FKBP15: variants seen among roughly 807,000 people sequenced by gnomAD.
FKBP15 encodes FK506-binding protein 15.
A neutral mutation model predicts 158.1 loss-of-function variants in FKBP15; 106 were observed. That is an observed-to-expected ratio of 0.67 (90% CI 0.57 to 0.79). The LOEUF (loss-of-function observed/expected upper bound fraction) is 0.79. Among genes scored for constraint, FKBP15 ranks in the 30% least tolerant of loss-of-function variants. The pLI is 0.00. For missense variants in FKBP15, 1,287 were observed against 1,479.1 expected (o/e 0.87, Z 2.13); for synonymous variants, 547 against 548.6 (o/e 1.00, Z 0.04).
chr9:113,196,701 A>G (rs1302389750), intron 9 of FKBP15, among the ~76,000 whole-genome samples: 1 of 152,100 alleles, frequency 6.6e-6, no homozygotes, highest in Non-Finnish European at 1.5e-5. Flanking sequence ...GACTTTCTTA[A>G]AGTCACAACC....
chr9:113,206,601 A>G, intron 3 of FKBP15, 23 bp from the exon 4 acceptor site: 1 of 1,579,344 alleles, frequency 6.3e-7, no homozygotes, highest in Non-Finnish European at 8.7e-7. Context: ...GAGAAACAAC[A>G]AGTATTAATA....
chr9:113,206,877 C>A (rs904238922), intron 3 of FKBP15: 2 of 428,004 alleles, frequency 4.7e-6, no homozygotes, highest in African/African-American at 2.0e-5. Flanking sequence ...CCACCGCACC[C>A]GGCCCAGCAG....
intron 1 of FKBP15, 137 bp from the exon 2 acceptor site, chr9:113,211,729 G>T: frequency 2.2e-6 from 1 of 460,880 alleles, no homozygotes; most frequent in Non-Finnish European, 3.8e-6. Flanking sequence ...AACACTTCAA[G>T]CTAGGAAAGC....
chr9:113,169,035 C>T (rs137987310), intron 26 of FKBP15, among the ~76,000 whole-genome samples, 189 bp downstream of exon 26: 1,839 of 152,050 alleles, frequency 0.012, 38 homozygotes, highest in African/African-American at 0.042. Context: ...CCACAGGGCC[C>T]GCCACACTAC....
chr9:113,170,774 G>T lies in FKBP15; in HGVS notation c.2659-145C>A. On this transcript the variant is annotated intron_variant, in intron 24 of 27. Coordinates refer to ENST00000238256, the MANE Select transcript of FKBP15 (RefSeq NM_015258.2). ...CTGGTCATAAGCAGAGACACTGAAG[G>T]CTGTCACTGTGGAGAGGATGATATT... 2.9e-6 allele frequency: 2 copies of T among 685,462 alleles called. 1 individual carries two copies. The highest frequency in any genetic ancestry group is 3.2e-5 in the South Asian group (2 of 62,644). 42.5% of individuals were successfully genotyped at this position (685,462 alleles called of 1,614,324 possible). A position where few individuals can be genotyped will look rare whatever the true frequency, so the allele number is the denominator to read the frequency against.
Position 113,174,493 on chromosome 9 carries a change from A to G in FKBP15, c.2314T>C (p.Leu772=), listed in dbSNP as rs1463004168. 5.0e-6 allele frequency: 8 copies of G among 1,613,836 alleles called. No homozygotes were observed. The African/African-American group carries it at 5.3e-5, about 11-fold the overall frequency. The change falls in exon 22 of 28, where the codon TTG becomes CTG. Residue 772 remains leucine (L), a synonymous_variant. Transcript: ENST00000238256. The part of the protein sequence containing the change: ...DEIRKSYQEE[L]DKLRQLLKKT... ...TTCAAGAGCTGTCGAAGTTTGTCCA[A>G]TTCCTCCTGGTATGACTTGCGAATT...
chr9:113,217,392 T>A (rs547688394), intron 1 of FKBP15, among the ~76,000 whole-genome samples: 41 of 150,940 alleles, frequency 2.7e-4, no homozygotes, highest in African/African-American at 9.7e-4. Flanking sequence ...TTTGTATGTT[T>A]GTAGAGACGG....
rs183718797 is a variant in FKBP15, at chr9:113,193,898, T to C, written c.1007+129A>G. ...AAATCTGATGCAAGTATCTTCCCCA[T>C]TTCCCTGATCCCATTTTTTCCAGTT... On this transcript the variant is annotated intron_variant, in intron 10 of 27. Coordinates refer to ENST00000238256, the MANE Select transcript of FKBP15 (RefSeq NM_015258.2). 3.0e-3 allele frequency: 3,462 copies of C among 1,147,188 alleles called. 87 individuals carry two copies. The Admixed American group carries it at 0.072, about 24-fold the overall frequency. 71.1% of individuals were successfully genotyped at this position (1,147,188 alleles called of 1,614,324 possible).
At chr9:113,187,959 A>C in intron 13 of FKBP15, 60 bp from the exon 14 acceptor site, 1 of 1,237,762 alleles carries the variant, frequency 8.1e-7, no homozygotes, top group Non-Finnish European at 1.2e-6. Flanking sequence ...GTGAGTCTAG[A>C]CTAGCACCTT....
intron 1 of FKBP15, among the ~76,000 whole-genome samples, chr9:113,212,745 A>G (rs1020215066): frequency 6.6e-6 from 1 of 152,006 alleles, no homozygotes; most frequent in Non-Finnish European, 1.5e-5. Context: ...TTAAATGTCC[A>G]TGTCTCCAGG....
chr9:113,210,481 C>A (rs1044752750), intron 2 of FKBP15, among the ~76,000 whole-genome samples: 1 of 152,158 alleles, frequency 6.6e-6, no homozygotes, highest in South Asian at 2.1e-4. Context: ...TACAGGCAAG[C>A]GCCACCATGC....
At position 113,199,920 on chromosome 9, in the gene FKBP15, A is replaced by T; in HGVS notation, c.542T>A (p.Val181Glu). The T allele has an allele frequency of 6.2e-7, 1 of 1,613,492 alleles. No individual in the cohort carries two copies. The highest frequency in any genetic ancestry group is 1.1e-5 in the South Asian group (1 of 90,892). Reference protein sequence around the residue: ...KCNSTSSLDAVLSQDLIVADG... With the variant: ...KCNSTSSLDAELSQDLIVADG... Reference sequence around the variant, plus strand: ...TGCCACAATGAGGTCCTGGGAGAGCACTGCATCCAGGGAAGAGGTACTGTT... The same window carrying T: ...TGCCACAATGAGGTCCTGGGAGAGCTCTGCATCCAGGGAAGAGGTACTGTT... The change falls in exon 7 of 28, where the codon GTG becomes GAG. Residue 181 changes from valine (V) to glutamate (E), a missense_variant. Physicochemically the swap from Val to Glu is moderately radical, Grantham distance 121. Coordinates refer to ENST00000238256, the MANE Select transcript of FKBP15 (RefSeq NM_015258.2).
At position 113,211,499 on chromosome 9, in the gene FKBP15, T is replaced by C. The variant is rs1218722700; in HGVS notation, c.147A>G (p.Lys49=). 6.2e-7 allele frequency: 1 copy of C among 1,608,716 alleles called. No individual in the cohort carries two copies. Among genetic ancestry groups the C allele is most frequent in the Non-Finnish European group, 8.5e-7 (1 of 1,177,740 alleles). ...FQYTAPKQPK[K]GQGTAATGNQ... Reference sequence around the variant, plus strand: ...TACCTGTTGCTGCCGTTCCCTGGCCTTTCTTAGGCTGTTTTGGGGCTGTGT... The same window carrying C: ...TACCTGTTGCTGCCGTTCCCTGGCCCTTCTTAGGCTGTTTTGGGGCTGTGT... Residue 49 remains lysine, a synonymous_variant, in exon 2 of 28, where the codon AAA becomes AAG. Coordinates refer to ENST00000238256, the MANE Select transcript of FKBP15 (RefSeq NM_015258.2).
At chr9:113,212,390 T>C (rs1000165771) in intron 1 of FKBP15, among the ~76,000 whole-genome samples, 2 of 152,104 alleles carry the variant, frequency 1.3e-5, no homozygotes, top group South Asian at 2.1e-4. Context: ...GGTTTCACCA[T>C]GCTGGCCAGG....
At chr9:113,199,716 T>C (rs1191020685) in intron 7 of FKBP15, 98 bp downstream of exon 7, 1 of 1,270,360 alleles carries the variant, frequency 7.9e-7, no homozygotes, top group Non-Finnish European at 1.1e-6. Flanking sequence ...ATATTTCTAT[T>C]TGACAACAGC....
intron 1 of FKBP15, among the ~76,000 whole-genome samples, chr9:113,213,410 CAAA>C (rs61181107): frequency 7.3e-6 from 1 of 136,172 alleles, no homozygotes; most frequent in Non-Finnish European, 1.6e-5. Flanking sequence ...ACTCCGTCTC[CAAA>C]AAAAAAAAAA....
In FKBP15 at chr9:113,202,409, G is replaced by T. The variant is rs138814063; in HGVS notation, c.498+122C>A. ...TAGGCCGAAGTGGCAAATTTAGTGGGTTTTTTATGCTAGTCACTAACAAAA... is the reference window on the plus strand; with the variant it reads ...TAGGCCGAAGTGGCAAATTTAGTGGTTTTTTTATGCTAGTCACTAACAAAA... On this transcript the variant is annotated intron_variant, in intron 6 of 27. Transcript: ENST00000238256. The T allele has an allele frequency of 1.3e-3, 826 of 647,536 alleles. 5 individuals are homozygous for T. The African/African-American group carries it at 0.014, about 11-fold the overall frequency. The allele number at this position is 647,536 out of a possible 1,614,324, so 40.1% of individuals were successfully genotyped here. A position where few individuals can be genotyped will look rare whatever the true frequency, so the allele number is the denominator to read the frequency against.
At position 113,178,610 on chromosome 9, in the gene FKBP15, A is replaced by T. The variant is rs1271286388; in HGVS notation, c.2086+20T>A. 6.3e-7 allele frequency: 1 copy of T among 1,575,788 alleles called. No individual in the cohort carries two copies. The highest frequency in any genetic ancestry group is 2.3e-5 in the East Asian group (1 of 43,628). On this transcript the variant is annotated intron_variant, in intron 20 of 27. Coordinates refer to ENST00000238256, the MANE Select transcript of FKBP15 (RefSeq NM_015258.2). ...GAGTTTAAATGGCAACAATCCCAGC[A>T]TCCCCCACCTAGCACATACCTGAGA...
At position 113,162,692 on chromosome 9, in the gene FKBP15, C is replaced by A; in HGVS notation, c.*3386G>T. On this transcript the variant is annotated 3_prime_UTR_variant, in exon 28 of 28. Coordinates refer to ENST00000238256, the MANE Select transcript of FKBP15 (RefSeq NM_015258.2). ...CTTTCTACTCCCTGATATCTACTCC[C>A]AGCTTCCTCATTACCAGCTCATTAC... is the stretch of plus-strand genomic sequence containing the variant. 1 of 1,515,046 alleles carries A rather than the reference C, an allele frequency of 6.6e-7. No homozygotes were observed. The highest frequency in any genetic ancestry group is 1.2e-5 in the South Asian group (1 of 81,596). The allele number at this position is 1,515,046 out of a possible 1,614,324, so 93.9% of individuals were successfully genotyped here. A position where few individuals can be genotyped will look rare whatever the true frequency, so the allele number is the denominator to read the frequency against.
Sources: allele counts gnomAD v4.1 joint callset (sites outside exome capture counted in the v4.1 genomes callset), GRCh38; gene constraint gnomAD v4.1.1; transcripts MANE v1.5; gene names NCBI Gene and HGNC (gene_info 2026-07-23, HGNC 2026-07-21).